PRKAR1B: variants seen among roughly 807,000 people sequenced by gnomAD.
PRKAR1B encodes the protein cAMP-dependent protein kinase type I-beta regulatory subunit.
PRKAR1B carries 22 observed loss-of-function variants against 46.5 expected under a neutral mutation model. The ratio of observed to expected loss-of-function variants is 0.47; its 90% CI spans 0.34 to 0.68. The LOEUF (loss-of-function observed/expected upper bound fraction) is 0.68, where lower values mean the gene tolerates loss of function less well. PRKAR1B is among the 30% of genes least tolerant of loss of function. The pLI, the probability that PRKAR1B is intolerant of heterozygous loss-of-function variation, is 0.01. For synonymous variants in PRKAR1B, 259 were observed against 217.7 expected, an observed-to-expected ratio of 1.19 and a Z score of -1.67; for missense variants, 445 against 535.6, an observed-to-expected ratio of 0.83 and a Z score of 1.67.
chr7:672,861 C>T (rs1786343240), intron 4 of PRKAR1B, among the ~76,000 whole-genome samples: 1 of 151,480 alleles, frequency 6.6e-6, no homozygotes, highest in Non-Finnish European at 1.5e-5. Context: ...GAGTGAAACT[C>T]CATCTCAAAA....
At chr7:659,509 G>A (rs548235501) in intron 4 of PRKAR1B, among the ~76,000 whole-genome samples, 61 of 152,284 alleles carry the variant, frequency 4.0e-4, no homozygotes, top group African/African-American at 1.3e-3. Context: ...AATATTCTGC[G>A]CATGCAGGCA....
chr7:685,385 C>CATATATATATATATAT (rs10586228), intron 2 of PRKAR1B, among the ~76,000 whole-genome samples: 1 of 79,520 alleles, frequency 1.3e-5, no homozygotes, highest in Non-Finnish European at 2.3e-5. Flanking sequence ...TATATACATA[C>CATATATATATATATAT]ATATATATAT....
At chr7:704,348 G>C (rs1381711998) in intron 2 of PRKAR1B, among the ~76,000 whole-genome samples, 1 of 152,086 alleles carries the variant, frequency 6.6e-6, no homozygotes, top group Non-Finnish European at 1.5e-5. Context: ...TACCGTCTCA[G>C]GAATGAAAAC....
intron 6 of PRKAR1B, among the ~76,000 whole-genome samples, chr7:600,913 A>T (rs945103664): frequency 6.6e-6 from 1 of 152,256 alleles, no homozygotes; most frequent in African/African-American, 2.4e-5. Flanking sequence ...AATGGATTAT[A>T]GCTCTTGGCA....
At chr7:557,270 C>T (rs1348253105) in intron 9 of PRKAR1B, among the ~76,000 whole-genome samples, 1 of 152,244 alleles carries the variant, frequency 6.6e-6, no homozygotes, top group Non-Finnish European at 1.5e-5. Context: ...CCGCGTGACA[C>T]CCGTGACCAG....
chr7:572,744 G>C (rs1305348503), intron 9 of PRKAR1B, among the ~76,000 whole-genome samples: 1 of 152,210 alleles, frequency 6.6e-6, no homozygotes, highest in Non-Finnish European at 1.5e-5. Context: ...CCAGGTGGAG[G>C]GTAGGCGGGA....
chr7:679,781 G>T (rs1158541593), intron 3 of PRKAR1B, among the ~76,000 whole-genome samples: 1 of 152,318 alleles, frequency 6.6e-6, no homozygotes, highest in East Asian at 1.9e-4. Context: ...ATGGTATTTG[G>T]AGAGAGGCCT....
At chr7:677,449 T>A in intron 3 of PRKAR1B, 129 bp from the exon 4 acceptor site, 1 of 766,020 alleles carries the variant, frequency 1.3e-6, no homozygotes. Context: ...ATTTGAAGTT[T>A]AATGTGTATT....
intron 9 of PRKAR1B, among the ~76,000 whole-genome samples, chr7:572,629 T>A (rs559827461): frequency 1.3e-5 from 2 of 152,210 alleles, no homozygotes; most frequent in East Asian, 3.9e-4. Flanking sequence ...CCCAAAACAA[T>A]CACATCTTCG....
intron 7 of PRKAR1B, 143 bp from the exon 8 acceptor site, chr7:584,711 T>C: frequency 1.4e-6 from 1 of 706,458 alleles, no homozygotes; most frequent in East Asian, 2.7e-5. Flanking sequence ...CCTCGACGAC[T>C]CGGAGTCTGC....
At chr7:632,190 C>T (rs1323851597) in intron 4 of PRKAR1B, among the ~76,000 whole-genome samples, 2 of 152,212 alleles carry the variant, frequency 1.3e-5, no homozygotes, top group African/African-American at 2.4e-5. Context: ...TGTGTGAACC[C>T]TGTGTCTCTG....
At position 685,283 on chromosome 7, in the gene PRKAR1B, T is replaced by TAC. The variant is rs1457854439; in HGVS notation, c.178-4558_178-4557insGT. On this transcript the variant is annotated intron_variant, in intron 2 of 10. Coordinates refer to ENST00000537384, the MANE Select transcript of PRKAR1B (RefSeq NM_001164760.2). Reference sequence around the variant, plus strand: ...ATACATATATACGTATATATACGTATATATATGTATACATATATATATACG... The same window carrying TAC: ...ATACATATATACGTATATATACGTATACATATATGTATACATATATATATACG... Among the ~76,000 whole-genome samples the TAC allele has an allele frequency of 9.7e-4, 13 of 13,410 alleles. No individual in the cohort carries two copies. The East Asian group carries it at 0.014, about 15-fold the overall frequency. 8.8% of individuals were successfully genotyped at this position (13,410 alleles called of 152,430 possible). A position where few individuals can be genotyped will look rare whatever the true frequency, so the allele number is the denominator to read the frequency against.
chr7:727,221 T>G lies in PRKAR1B; in HGVS notation c.-34A>C. ...CGCTCGCGCCCCACCTGGACGACGC[T>G]CTGCGCGCGCTGCGCTGCTCCCTGC... On this transcript the variant is annotated 5_prime_UTR_variant, in exon 1 of 11. Coordinates refer to ENST00000537384, the MANE Select transcript of PRKAR1B (RefSeq NM_001164760.2). The G allele has an allele frequency of 7.4e-7, 1 of 1,350,250 alleles. No individual in the cohort carries two copies. The highest frequency in any genetic ancestry group is 9.5e-7 in the Non-Finnish European group (1 of 1,050,686). The allele number at this position is 1,350,250 out of a possible 1,614,324, so 83.6% of individuals were successfully genotyped here. A position where few individuals can be genotyped will look rare whatever the true frequency, so the allele number is the denominator to read the frequency against.
chr7:670,628 C>T (rs1448888890), intron 4 of PRKAR1B, among the ~76,000 whole-genome samples: 5 of 147,858 alleles, frequency 3.4e-5, no homozygotes, highest in African/African-American at 1.0e-4. Flanking sequence ...GGACCGAGGA[C>T]GGCCTCCGAG....
At chr7:606,260 C>T in intron 5 of PRKAR1B, 21 bp from the exon 6 acceptor site, 1 of 1,610,894 alleles carries the variant, frequency 6.2e-7, no homozygotes. Context: ...AGAAGAAAGT[C>T]AACAGATACA....
chr7:585,361 C>T (rs752197311), intron 7 of PRKAR1B, among the ~76,000 whole-genome samples: 1 of 152,174 alleles, frequency 6.6e-6, no homozygotes, highest in African/African-American at 2.4e-5. Context: ...ACGAACTCCA[C>T]AACTGTACAG....
At chr7:711,259 G>A in intron 2 of PRKAR1B, 70 bp downstream of exon 2, 1 of 1,572,472 alleles carries the variant, frequency 6.4e-7, no homozygotes, top group Non-Finnish European at 8.7e-7. Context: ...CAGAGGGAAG[G>A]CTTCCCCGGC....
intron 8 of PRKAR1B, among the ~76,000 whole-genome samples, chr7:583,726 C>G (rs1236059036): frequency 6.6e-6 from 1 of 151,168 alleles, no homozygotes; most frequent in Non-Finnish European, 1.5e-5. Flanking sequence ...CACACGCATT[C>G]TACACACATG....
intron 7 of PRKAR1B, among the ~76,000 whole-genome samples, chr7:594,597 TGAG>T (rs1253561593): frequency 1.3e-5 from 2 of 151,848 alleles, no homozygotes; most frequent in Non-Finnish European, 2.9e-5. Flanking sequence ...CAGAAGGAGC[TGAG>T]GAGGAGACCT....
Sources: allele counts gnomAD v4.1 joint callset (sites outside exome capture counted in the v4.1 genomes callset), GRCh38; gene constraint gnomAD v4.1.1; transcripts MANE v1.5; gene names NCBI Gene and HGNC (gene_info 2026-07-23, HGNC 2026-07-21).